The following MAGI2 variants were observed in gnomAD, a reference collection of about 807,000 sequenced individuals.
MAGI2 encodes membrane-associated guanylate kinase, WW and PDZ domain-containing protein 2.
A neutral mutation model predicts 133.3 loss-of-function variants in MAGI2; 35 were observed. The observed-to-expected ratio is 0.26, with a 90% CI of 0.20 to 0.35. The LOEUF (loss-of-function observed/expected upper bound fraction) is 0.35, where lower values mean the gene tolerates loss of function less well. Ranked by LOEUF, MAGI2 falls within the 10% of genes least tolerant of loss-of-function variation. The pLI is 1.00. For synonymous variants in MAGI2, 729 were observed against 710.6 expected (o/e 1.03, Z -0.41); for missense variants, 1,636 against 1,863.4 (o/e 0.88, Z 2.25).
chr7:78,629,723 GTCTC>G (rs10564269), intron 2 of MAGI2, among the ~76,000 whole-genome samples: 1 of 151,756 alleles, frequency 6.6e-6, no homozygotes, highest in Non-Finnish European at 1.5e-5. Context: ...GTGTCTTCTT[GTCTC>G]TCTCTCTTAT....
intron 2 of MAGI2, among the ~76,000 whole-genome samples, chr7:78,845,418 C>A (rs1792506546): frequency 6.6e-6 from 1 of 151,960 alleles, no homozygotes; most frequent in Middle Eastern, 3.4e-3. Flanking sequence ...AGAAGGTCAG[C>A]TCTAAACACA....
intron 2 of MAGI2, among the ~76,000 whole-genome samples, chr7:78,767,252 G>T (rs1297876730): frequency 6.6e-6 from 1 of 152,052 alleles, no homozygotes; most frequent in Non-Finnish European, 1.5e-5. Flanking sequence ...GCCTTCCAAA[G>T]TGCCAGGATT....
chr7:78,134,169 G>A (rs911489067), intron 17 of MAGI2: 6 of 152,304 alleles, frequency 3.9e-5, no homozygotes, highest in African/African-American at 1.4e-4. Context: ...AACCACCCCC[G>A]TTGAGAACTA....
At chr7:78,898,103 T>G (rs1369953358) in intron 2 of MAGI2, among the ~76,000 whole-genome samples, 2 of 152,144 alleles carry the variant, frequency 1.3e-5, no homozygotes, top group Non-Finnish European at 2.9e-5. Context: ...TCACTGATCA[T>G]TACAAAAATG....
At chr7:79,117,160 TAG>T (rs1245110432) in intron 1 of MAGI2, among the ~76,000 whole-genome samples, 1 of 152,188 alleles carries the variant, frequency 6.6e-6, no homozygotes, top group East Asian at 1.9e-4. Flanking sequence ...GCTTCTATCT[TAG>T]AGTGTTTAAT....
At chr7:79,311,928 C>T (rs1484811020) in intron 1 of MAGI2, among the ~76,000 whole-genome samples, 1 of 151,960 alleles carries the variant, frequency 6.6e-6, no homozygotes, top group Non-Finnish European at 1.5e-5. Flanking sequence ...ATCCTTTGTC[C>T]CTATTTTTAA....
At chr7:78,560,763 A>G (rs1387431958) in intron 3 of MAGI2, among the ~76,000 whole-genome samples, 1 of 152,252 alleles carries the variant, frequency 6.6e-6, no homozygotes, top group East Asian at 1.9e-4. Context: ...GCTCTTAACC[A>G]TTACACAATC....
chr7:78,458,041 T>G (rs958732446), intron 6 of MAGI2, among the ~76,000 whole-genome samples: 5 of 151,944 alleles, frequency 3.3e-5, no homozygotes, highest in Admixed American at 3.3e-4. Flanking sequence ...CTAATGCTTG[T>G]AATCCCAGCA....
At chr7:79,289,919 G>C (rs1007985925) in intron 1 of MAGI2, among the ~76,000 whole-genome samples, 2 of 151,876 alleles carry the variant, frequency 1.3e-5, no homozygotes, top group Non-Finnish European at 2.9e-5. Flanking sequence ...AACCAAATTT[G>C]GGTTATAATT....
rs1482270290 is a variant in MAGI2, at chr7:79,198,571, C to A, written c.302-191365G>T. Among the ~76,000 whole-genome samples, 3 of 151,954 alleles carry A rather than the reference C, an allele frequency of 2.0e-5. No individual in the cohort carries two copies. In the East Asian group the frequency reaches 5.8e-4, roughly 29 times the overall value. ...GAAAAATTTTAGTCATACTCGCTTT[C>A]TTTGCTTATTATCTATTGAATAAAA... On this transcript the variant is annotated intron_variant, in intron 1 of 21. Transcript: ENST00000354212.
chr7:78,875,013 T>A (rs964071948), intron 2 of MAGI2, among the ~76,000 whole-genome samples: 3 of 151,950 alleles, frequency 2.0e-5, no homozygotes, highest in Admixed American at 1.3e-4. Flanking sequence ...AGTGGCTGAG[T>A]AGAGAGTCTA....
intron 1 of MAGI2, among the ~76,000 whole-genome samples, chr7:79,032,212 T>C (rs1454216312): frequency 5.3e-5 from 8 of 152,130 alleles, no homozygotes; most frequent in African/African-American, 1.9e-4. Context: ...TTCTTTTGGC[T>C]TCGATCAATA....
intron 6 of MAGI2, among the ~76,000 whole-genome samples, chr7:78,457,300 C>A (rs904470629): frequency 1.3e-5 from 2 of 152,110 alleles, no homozygotes; most frequent in African/African-American, 4.8e-5. Flanking sequence ...TTGTTTTATT[C>A]CCTTATCACA....
intron 2 of MAGI2, among the ~76,000 whole-genome samples, chr7:78,733,691 G>T (rs1821582839): frequency 1.3e-5 from 2 of 152,210 alleles, no homozygotes; most frequent in South Asian, 2.1e-4. Context: ...TGTTATACTT[G>T]TCTGTAGGAA....
At chr7:79,182,883 A>G (rs1181898222) in intron 1 of MAGI2, among the ~76,000 whole-genome samples, 1 of 151,948 alleles carries the variant, frequency 6.6e-6, no homozygotes, top group East Asian at 1.9e-4. Context: ...AATGAATGAA[A>G]TCATGTCATT....
intron 3 of MAGI2, among the ~76,000 whole-genome samples, chr7:78,601,879 C>G (rs1280607167): frequency 6.6e-6 from 1 of 152,182 alleles, no homozygotes; most frequent in African/African-American, 2.4e-5. Context: ...CATCAGCACA[C>G]AGTACAGTGG....
intron 3 of MAGI2, among the ~76,000 whole-genome samples, chr7:78,535,085 T>C (rs1031744998): frequency 9.2e-5 from 14 of 151,998 alleles, no homozygotes; most frequent in Admixed American, 1.3e-4. Flanking sequence ...TGAGCCGAGA[T>C]CGCACCACTG....
intron 1 of MAGI2, among the ~76,000 whole-genome samples, chr7:79,251,700 G>T (rs1833285732): frequency 1.3e-5 from 2 of 152,090 alleles, no homozygotes; most frequent in Admixed American, 1.3e-4. Context: ...ACTAAAAATA[G>T]AACTACCATA....
At chr7:78,386,993 T>G (rs1795447478) in intron 6 of MAGI2, among the ~76,000 whole-genome samples, 1 of 152,248 alleles carries the variant, frequency 6.6e-6, no homozygotes, top group Admixed American at 6.5e-5. Context: ...AAATTTGGTC[T>G]CAGATTCTTC....
Sources: gnomAD v4.1 joint callset for allele counts (sites outside exome capture counted in the v4.1 genomes callset) on GRCh38, gnomAD v4.1.1 for gene constraint, MANE v1.5 for transcripts, NCBI Gene and HGNC (gene_info 2026-07-23, HGNC 2026-07-21) for gene names.